The following KLHL5 variants were observed in gnomAD, a reference collection of about 807,000 sequenced individuals.
The protein encoded by KLHL5 is kelch like family member 5.
Under a neutral mutation model 77.7 loss-of-function variants are expected in KLHL5, and 48 were observed. The ratio of observed to expected loss-of-function variants is 0.62; its 90% confidence interval spans 0.49 to 0.79. The LOEUF (loss-of-function observed/expected upper bound fraction) is 0.79. KLHL5 is among the 30% of genes least tolerant of loss of function. The probability of loss-of-function intolerance (pLI) is 0.00; values close to 1 mark genes in which losing one functional copy is unlikely to be tolerated. For missense variants in KLHL5, 723 were observed against 859.7 expected, an observed-to-expected ratio of 0.84 and a Z score of 1.99; for synonymous variants, 260 against 297.0, an observed-to-expected ratio of 0.88 and a Z score of 1.28.
chr4:39,138,529 A>G, the KLHL5 span, among the ~76,000 whole-genome samples: 6 of 152,310 alleles, frequency 3.9e-5, no homozygotes, highest in African/African-American at 1.4e-4. Context: ...GGATGTTCTC[A>G]CTTATAAGTA....
chr4:39,142,745 A>G, the KLHL5 span, among the ~76,000 whole-genome samples: 1 of 151,986 alleles, frequency 6.6e-6, no homozygotes, highest in African/African-American at 2.4e-5. Context: ...CCTTTCACAC[A>G]GGCAACAACT....
the KLHL5 span, among the ~76,000 whole-genome samples, chr4:39,142,991 G>T: frequency 6.6e-6 from 1 of 152,034 alleles, no homozygotes; most frequent in East Asian, 1.9e-4. Flanking sequence ...CTTGATTGTG[G>T]TGGTGGTTAT....
chr4:39,049,591 G>A (rs1716473653), intron 1 of KLHL5, among the ~76,000 whole-genome samples: 1 of 152,004 alleles, frequency 6.6e-6, no homozygotes, highest in Non-Finnish European at 1.5e-5. Context: ...GGGGGCGGGG[G>A]TAGGGAGGTG....
chr4:39,071,479 A>G (rs1481585356), intron 1 of KLHL5, among the ~76,000 whole-genome samples: 1 of 152,228 alleles, frequency 6.6e-6, no homozygotes, highest in African/African-American at 2.4e-5. Context: ...ATAGTTTACA[A>G]TAAAAAGGTG....
intron 10 of KLHL5, 112 bp downstream of exon 10, chr4:39,115,442 T>C: frequency 6.5e-7 from 1 of 1,547,152 alleles, no homozygotes; most frequent in Non-Finnish European, 8.7e-7. Context: ...GGCATAAATA[T>C]GACAATCACG....
chr4:39,129,126 A>AT, downstream of KLHL5, among the ~76,000 whole-genome samples: 1 of 149,520 alleles, frequency 6.7e-6, no homozygotes, highest in East Asian at 1.9e-4. The surrounding 1 kb of genome is among the most constrained non-coding windows in gnomAD (Gnocchi z 4.2). Context: ...TAAGCGGTCT[A>AT]TTTTCTCTTC....
chr4:39,090,169 A>T (rs1004783790), intron 5 of KLHL5, among the ~76,000 whole-genome samples: 8 of 152,226 alleles, frequency 5.3e-5, no homozygotes, highest in African/African-American at 1.9e-4. Flanking sequence ...AAATTGCCAT[A>T]TGCCAATCAA....
chr4:39,066,345 T>G (rs966477914), intron 1 of KLHL5, among the ~76,000 whole-genome samples: 4 of 152,226 alleles, frequency 2.6e-5, no homozygotes, highest in African/African-American at 9.6e-5. Flanking sequence ...TATACTTCCC[T>G]TGATTTACTG....
At chr4:39,109,672 G>A (rs553602470) in intron 8 of KLHL5, among the ~76,000 whole-genome samples, 1 of 146,276 alleles carries the variant, frequency 6.8e-6, no homozygotes, top group Admixed American at 6.8e-5. Context: ...GTGGGGAAGT[G>A]GACAGACTCT....
chr4:39,076,230 G>C, intron 2 of KLHL5, 83 bp downstream of exon 2: 1 of 1,196,474 alleles, frequency 8.4e-7, no homozygotes, highest in Non-Finnish European at 1.2e-6. Flanking sequence ...TACTTCAATT[G>C]ACTATTATGT....
the KLHL5 span, among the ~76,000 whole-genome samples, chr4:39,137,350 CA>C: frequency 4.1e-5 from 6 of 147,240 alleles, no homozygotes; most frequent in South Asian, 2.1e-4. Flanking sequence ...CCAATTTTTA[CA>C]AAAAAAAAAA....
At chr4:39,110,859 G>C (rs1467035199) in intron 8 of KLHL5, among the ~76,000 whole-genome samples, 1 of 152,104 alleles carries the variant, frequency 6.6e-6, no homozygotes, top group East Asian at 1.9e-4. Context: ...TTCACAACTT[G>C]ACATAATATT....
chr4:39,060,852 C>T (rs1037994072), upstream of KLHL5, among the ~76,000 whole-genome samples: 6 of 152,202 alleles, frequency 3.9e-5, no homozygotes, highest in Non-Finnish European at 8.8e-5. Context: ...TCCTGTTCAA[C>T]AGTCCATTCA....
intron 1 of KLHL5, among the ~76,000 whole-genome samples, chr4:39,050,434 C>T (rs1254452085): frequency 6.6e-6 from 1 of 152,198 alleles, no homozygotes; most frequent in Non-Finnish European, 1.5e-5. Context: ...GCTAGGGCTA[C>T]TTTCTCTCTC....
rs60163692 is a variant in KLHL5 at position 39,069,535 on chromosome 4, C to CAT, written c.384-6398_384-6397dup. Among the ~76,000 whole-genome samples, 835 of 136,106 alleles carry CAT rather than the reference C, an allele frequency of 6.1e-3. 5 individuals carry two copies. Among genetic ancestry groups the CAT allele is most frequent in the South Asian group, 0.015 (63 of 4,252 alleles). The allele number at this position is 136,106 out of a possible 152,430, so 89.3% of individuals were successfully genotyped here. On this transcript the variant is annotated intron_variant, in intron 1 of 10. Coordinates refer to ENST00000504108, the MANE Select transcript of KLHL5 (RefSeq NM_015990.5). ...TTATACTATTTTTATACTTTTTTAC[C>CAT]ATATATATATATATATATATATATA...
intron 5 of KLHL5, among the ~76,000 whole-genome samples, chr4:39,089,646 C>T (rs1208953014): frequency 6.6e-6 from 1 of 152,162 alleles, no homozygotes; most frequent in Non-Finnish European, 1.5e-5. Flanking sequence ...TCCTTTGCTA[C>T]AGAGAAGACA....
chr4:39,088,140 C>T (rs763638132), intron 5 of KLHL5, among the ~76,000 whole-genome samples: 1 of 152,034 alleles, frequency 6.6e-6, no homozygotes, highest in African/African-American at 2.4e-5. Context: ...TTGAAAAATC[C>T]GATTCGACTT....
chr4:39,126,602 C>A, downstream of KLHL5: 1 of 380,704 alleles, frequency 2.6e-6, no homozygotes, highest in Non-Finnish European at 5.2e-6. Context: ...GCTCGGGAAG[C>A]AAATCTAGTG....
rs1426345793 is a variant in KLHL5 at position 39,123,644 on chromosome 4, T to C, written c.*2578T>C. Among the ~76,000 whole-genome samples the C allele has an allele frequency of 6.6e-6, 1 of 152,096 alleles. No individual in the cohort carries two copies. Among genetic ancestry groups the C allele is most frequent in the African/African-American group, 2.4e-5 (1 of 41,406 alleles). On this transcript the variant is annotated 3_prime_UTR_variant, in exon 11 of 11. Transcript: ENST00000504108. Reference sequence around the variant, plus strand: ...CACCTCAATTGATAAGAAAAAGCATTTGACAAAAATCCAACACCCTTTCAT... The same window carrying C: ...CACCTCAATTGATAAGAAAAAGCATCTGACAAAAATCCAACACCCTTTCAT...
Sources: gnomAD v4.1 joint callset for allele counts (sites outside exome capture counted in the v4.1 genomes callset) on GRCh38, gnomAD v4.1.1 for gene constraint, Gnocchi (gnomAD v3.1) non-coding constraint, MANE v1.5 for transcripts, NCBI Gene and HGNC (gene_info 2026-07-23, HGNC 2026-07-21) for gene names.